Variants in OXR1 observed in about 807,000 individuals in gnomAD.
The protein encoded by OXR1 is oxidation resistance 1.
OXR1 carries 41 observed loss-of-function variants against 104.6 expected under a neutral mutation model. The ratio of observed to expected loss-of-function variants is 0.39; its 90% CI spans 0.31 to 0.51. OXR1 has a LOEUF of 0.51. Ranked by LOEUF, OXR1 falls within the 20% of genes least tolerant of loss-of-function variation. The pLI is 0.77. For missense variants in OXR1, 955 were observed against 1,031.9 expected (o/e 0.93, Z 1.02); for synonymous variants, 348 against 348.4 (o/e 1.00, Z 0.01).
chr8:106,284,346 G>A (rs920068198), intron 1 of OXR1, among the ~76,000 whole-genome samples: 1 of 152,028 alleles, frequency 6.6e-6, no homozygotes, highest in African/African-American at 2.4e-5. Flanking sequence ...ACCAAAGATG[G>A]TCAGAGTGTC....
chr8:106,446,200 T>C (rs190539653), intron 2 of OXR1, among the ~76,000 whole-genome samples: 53 of 152,324 alleles, frequency 3.5e-4, no homozygotes, highest in African/African-American at 1.3e-3. Context: ...ACAAATAAAC[T>C]TGTAGTCTAA....
intron 1 of OXR1, among the ~76,000 whole-genome samples, chr8:106,341,508 A>G (rs1437879390): frequency 1.3e-5 from 2 of 152,106 alleles, no homozygotes; most frequent in African/African-American, 2.4e-5. Context: ...GAGGGACTTC[A>G]GTGGGGGAAG....
chr8:106,720,485 C>T (rs1339651412), intron 11 of OXR1, among the ~76,000 whole-genome samples: 2 of 152,192 alleles, frequency 1.3e-5, no homozygotes, highest in Non-Finnish European at 2.9e-5. Flanking sequence ...GAGTTCCTGT[C>T]ATGCAAGTTA....
chr8:106,604,514 A>C (rs993597748), intron 3 of OXR1, among the ~76,000 whole-genome samples: 1 of 152,230 alleles, frequency 6.6e-6, no homozygotes, highest in Admixed American at 6.5e-5. Flanking sequence ...TTCTATAGGT[A>C]TTAAAGCTTG....
At chr8:106,636,052 C>T (rs1375614108) in intron 3 of OXR1, among the ~76,000 whole-genome samples, 2 of 152,138 alleles carry the variant, frequency 1.3e-5, no homozygotes, top group East Asian at 3.9e-4. Context: ...TCTGTTCTAG[C>T]CCTGTACTTA....
chr8:106,476,368 G>A (rs113885797), intron 2 of OXR1, among the ~76,000 whole-genome samples: 1 of 151,950 alleles, frequency 6.6e-6, no homozygotes, highest in African/African-American at 2.4e-5. Flanking sequence ...CAAGATAAAG[G>A]GTTATCGTTG....
intron 3 of OXR1, among the ~76,000 whole-genome samples, chr8:106,630,361 C>T (rs991355695): frequency 2.6e-5 from 4 of 152,262 alleles, no homozygotes; most frequent in Non-Finnish European, 4.4e-5. Flanking sequence ...ACTCTAACTT[C>T]GCCATTTTTC....
chr8:106,558,363 A>G (rs73699587), intron 3 of OXR1, among the ~76,000 whole-genome samples: 4,723 of 152,240 alleles, frequency 0.031, 133 homozygotes, highest in African/African-American at 0.073. Context: ...CTGGTACAGA[A>G]TCACCACCCT....
chr8:106,589,338 G>GA (rs1217473434), intron 3 of OXR1, among the ~76,000 whole-genome samples: 1 of 124,864 alleles, frequency 8.0e-6, no homozygotes, highest in Admixed American at 7.7e-5. Flanking sequence ...TGGCCCTGGA[G>GA]CCTTTTTTTT....
At chr8:106,483,313 AG>A in intron 2 of OXR1, among the ~76,000 whole-genome samples, 1 of 152,150 alleles carries the variant, frequency 6.6e-6, no homozygotes, top group Middle Eastern at 3.4e-3. Flanking sequence ...AGTGGGGGAC[AG>A]GGTGGATATG....
rs71562108 is a variant in OXR1, at chr8:106,582,177, CATATATATATATAT to C, written c.220+63051_220+63064del. On this transcript the variant is annotated intron_variant, in intron 3 of 16. Transcript: ENST00000517566. ...AGCAAGACAGATTTTTTTCTATTGA[CATATATATATATAT>C]ATATATATATATGAAGGAACATATA... Among the ~76,000 whole-genome samples, 314 of 119,330 alleles carry C rather than the reference CATATATATATATAT, an allele frequency of 2.6e-3. 3 individuals are homozygous for C. The highest frequency in any genetic ancestry group is 9.5e-3 in the African/African-American group (246 of 25,960). The allele number at this position is 119,330 out of a possible 152,430, so 78.3% of individuals were successfully genotyped here.
intron 3 of OXR1, among the ~76,000 whole-genome samples, chr8:106,554,109 G>T (rs532078642): frequency 6.6e-6 from 1 of 152,224 alleles, no homozygotes; most frequent in Non-Finnish European, 1.5e-5. Context: ...TATGCCTGTG[G>T]TTCTCAAACT....
At chr8:106,409,452 AC>A (rs1306665184) in intron 2 of OXR1, among the ~76,000 whole-genome samples, 2 of 152,170 alleles carry the variant, frequency 1.3e-5, no homozygotes, top group African/African-American at 4.8e-5. Flanking sequence ...CAAACAAAAA[AC>A]AGGAAGGGAG....
intron 2 of OXR1, among the ~76,000 whole-genome samples, chr8:106,454,342 T>A (rs1820484242): frequency 6.6e-6 from 1 of 151,566 alleles, no homozygotes; most frequent in African/African-American, 2.4e-5. Context: ...GCACCTGTAG[T>A]CCCAGCTACT....
At chr8:106,683,332 A>C (rs186479044) in intron 5 of OXR1, 26 bp downstream of exon 5, 4 of 1,065,236 alleles carry the variant, frequency 3.8e-6, no homozygotes, top group Non-Finnish European at 5.8e-6. Context: ...TAATGTGCTG[A>C]TGTTTAGAAA....
intron 10 of OXR1, among the ~76,000 whole-genome samples, chr8:106,713,395 A>G (rs2131408857): frequency 6.6e-6 from 1 of 152,016 alleles, no homozygotes; most frequent in African/African-American, 2.4e-5. Context: ...ATTTAAGGAC[A>G]TTACATTTCT....
chr8:106,442,866 C>A (rs1470614563), intron 2 of OXR1, among the ~76,000 whole-genome samples: 4 of 152,034 alleles, frequency 2.6e-5, no homozygotes, highest in Non-Finnish European at 5.9e-5. Context: ...AGAAACACCT[C>A]CTGCATTAAG....
intron 3 of OXR1, chr8:106,522,927 T>C (rs992475776): frequency 6.6e-6 from 1 of 152,206 alleles, no homozygotes; most frequent in Non-Finnish European, 1.5e-5. Flanking sequence ...TATGACTGGA[T>C]TCTCTGCTCA....
At chr8:106,713,677 A>G in intron 10 of OXR1, 146 bp from the exon 11 acceptor site, 1 of 473,932 alleles carries the variant, frequency 2.1e-6, no homozygotes, top group Middle Eastern at 5.4e-4. Context: ...TGCCTTCCTG[A>G]TAGTAGACCT....
Sources: allele counts gnomAD v4.1 joint callset (sites outside exome capture counted in the v4.1 genomes callset), GRCh38; gene constraint gnomAD v4.1.1; transcripts MANE v1.5; gene names NCBI Gene and HGNC (gene_info 2026-07-23, HGNC 2026-07-21).